The following PTPRN2 variants were observed in gnomAD, a reference collection of about 807,000 sequenced individuals.
The protein encoded by PTPRN2 is receptor-type tyrosine-protein phosphatase N2.
A neutral mutation model predicts 118.8 loss-of-function variants in PTPRN2; 74 were observed. The ratio of observed to expected loss-of-function variants is 0.62; its 90% CI spans 0.52 to 0.76. PTPRN2 has a LOEUF of 0.76. PTPRN2 is among the 30% of genes least tolerant of loss of function. The pLI is 0.00. For missense variants in PTPRN2, 1,481 were observed against 1,394.4 expected (o/e 1.06, Z -0.99); for synonymous variants, 641 against 608.0 (o/e 1.05, Z -0.80).
At chr7:158,154,884 A>G (rs1053481109) in intron 6 of PTPRN2, among the ~76,000 whole-genome samples, 1 of 152,210 alleles carries the variant, frequency 6.6e-6, no homozygotes, top group Non-Finnish European at 1.5e-5. Context: ...GAACATGCTG[A>G]GTTATCTCAG....
intron 3 of PTPRN2, among the ~76,000 whole-genome samples, chr7:158,244,422 CAGTG>C (rs1362643490): frequency 1.3e-5 from 2 of 152,208 alleles, no homozygotes; most frequent in African/African-American, 2.4e-5. Flanking sequence ...TGTCTGTAGA[CAGTG>C]AGCTGTGTGT....
chr7:157,844,514 G>T (rs949134136), intron 12 of PTPRN2, among the ~76,000 whole-genome samples: 3 of 152,196 alleles, frequency 2.0e-5, no homozygotes, highest in Non-Finnish European at 2.9e-5. Flanking sequence ...GCCAGGTGAG[G>T]GCCAGGAGGA....
rs1487924124 is a variant in PTPRN2 at position 157,872,659 on chromosome 7, T to C, written c.1788+26014A>G. Reference sequence around the variant, plus strand: ...GGTATAACTAAGCACTGAGAGGCGCTCTTGCGCCCAGGCCGCCTGTCCAAC... The same window carrying C: ...GGTATAACTAAGCACTGAGAGGCGCCCTTGCGCCCAGGCCGCCTGTCCAAC... On this transcript the variant is annotated intron_variant, in intron 12 of 22. Transcript: ENST00000389418. Among the ~76,000 whole-genome samples the C allele has an allele frequency of 1.3e-5, 2 of 152,268 alleles. 1 individual carries two copies. Among genetic ancestry groups the C allele is most frequent in the Admixed American group, 1.3e-4 (2 of 15,292 alleles).
At chr7:157,724,194 C>T (rs1799402654) in intron 12 of PTPRN2, among the ~76,000 whole-genome samples, 1 of 152,148 alleles carries the variant, frequency 6.6e-6, no homozygotes, top group South Asian at 2.1e-4. Context: ...ATTTAGGCTT[C>T]CCCCGTCTGA....
chr7:158,380,616 C>T (rs1424946930), intron 2 of PTPRN2, among the ~76,000 whole-genome samples: 1 of 152,220 alleles, frequency 6.6e-6, no homozygotes, highest in Non-Finnish European at 1.5e-5. Context: ...TCCAGGCACA[C>T]AGTGCCAGTT....
chr7:157,600,207 A>T (rs1316257240), intron 16 of PTPRN2, among the ~76,000 whole-genome samples: 2 of 75,786 alleles, frequency 2.6e-5, no homozygotes, highest in Non-Finnish European at 5.3e-5. Context: ...CCACCTGCCC[A>T]CCTCTCCACC....
At chr7:158,411,674 C>T (rs1201507036) in intron 2 of PTPRN2, among the ~76,000 whole-genome samples, 1 of 152,242 alleles carries the variant, frequency 6.6e-6, no homozygotes, top group East Asian at 1.9e-4. Flanking sequence ...TACCAAGCAG[C>T]CAACCAACGC....
At chr7:157,826,521 G>A (rs994100891) in intron 12 of PTPRN2, among the ~76,000 whole-genome samples, 17 of 116,432 alleles carry the variant, frequency 1.5e-4, no homozygotes, top group East Asian at 8.3e-4. Context: ...GAACACGATC[G>A]TCACAATCGC....
chr7:158,020,882 G>A (rs1406158317), intron 11 of PTPRN2, among the ~76,000 whole-genome samples: 3 of 152,190 alleles, frequency 2.0e-5, no homozygotes, highest in African/African-American at 7.2e-5. Context: ...TGCCGGAAGT[G>A]TGGATGCCGT....
At chr7:157,919,503 T>C (rs1471063725) in intron 11 of PTPRN2, among the ~76,000 whole-genome samples, 2 of 151,792 alleles carry the variant, frequency 1.3e-5, no homozygotes, top group Non-Finnish European at 2.9e-5. Context: ...GACGTCAAAG[T>C]AAATAGGTAA....
intron 3 of PTPRN2, among the ~76,000 whole-genome samples, chr7:158,267,596 G>T (rs532100000): frequency 1.3e-5 from 2 of 152,190 alleles, no homozygotes; most frequent in Admixed American, 6.5e-5. Flanking sequence ...ATCTGAGCGG[G>T]ATCACCGTGG....
chr7:158,437,352 A>C (rs1816640477), intron 2 of PTPRN2, among the ~76,000 whole-genome samples: 1 of 152,246 alleles, frequency 6.6e-6, no homozygotes, highest in Non-Finnish European at 1.5e-5. Flanking sequence ...TGAACATATC[A>C]ACCACAGTTA....
intron 1 of PTPRN2, among the ~76,000 whole-genome samples, chr7:158,495,479 C>A (rs560471878): frequency 1.3e-4 from 20 of 152,228 alleles, no homozygotes; most frequent in African/African-American, 4.6e-4. Flanking sequence ...ATGCGCCCTG[C>A]CCACTGCAGG....
intron 14 of PTPRN2, among the ~76,000 whole-genome samples, chr7:157,637,529 T>C (rs1034543950): frequency 6.6e-6 from 1 of 152,162 alleles, no homozygotes; most frequent in African/African-American, 2.4e-5. Context: ...TTCTATGCTT[T>C]GTGTGGCAGC....
chr7:158,490,480 C>A (rs1337377547), intron 1 of PTPRN2, among the ~76,000 whole-genome samples: 4 of 152,228 alleles, frequency 2.6e-5, no homozygotes, highest in Non-Finnish European at 4.4e-5. Context: ...AGCCACGCAT[C>A]CCCCGCGGCC....
Position 157,811,758 on chromosome 7 carries a change from C to T in PTPRN2, c.1788+86915G>A, listed in dbSNP as rs111237111. 7.0e-3 allele frequency among the ~76,000 whole-genome samples: 1,062 copies of T among 152,274 alleles called. 7 individuals carry two copies. Among genetic ancestry groups the T allele is most frequent in the Admixed American group, 0.012 (184 of 15,298 alleles). On this transcript the variant is annotated intron_variant, in intron 12 of 22. Transcript: ENST00000389418. ...GGCTTCCTCGCTGTGACAGCCTCCC[C>T]TCATCTGACGAGGTCCAAACAGCGG...
At chr7:158,134,987 C>G (rs1818682969) in intron 8 of PTPRN2, among the ~76,000 whole-genome samples, 1 of 152,190 alleles carries the variant, frequency 6.6e-6, no homozygotes, top group Non-Finnish European at 1.5e-5. Flanking sequence ...CCCTGGGCCG[C>G]ACTGCCCTCC....
At chr7:158,176,702 T>G (rs903329202) in intron 5 of PTPRN2, among the ~76,000 whole-genome samples, 1 of 152,230 alleles carries the variant, frequency 6.6e-6, no homozygotes, top group Non-Finnish European at 1.5e-5. Context: ...CTGCCTCAGA[T>G]GCTACTGTGT....
chr7:157,846,424 C>T lies in PTPRN2; in HGVS notation c.1788+52249G>A, dbSNP rs529068023. The stretch of plus-strand genomic sequence containing the variant: ...TCCAGGAAATGACGCTCTAAAAATG[C>T]AAAGCTCTGAACCAACCACCGAGAA... On this transcript the variant is annotated intron_variant, in intron 12 of 22. Transcript: ENST00000389418. 2.0e-5 allele frequency among the ~76,000 whole-genome samples: 3 copies of T among 146,546 alleles called. No individual in the cohort carries two copies. The South Asian group carries it at 6.7e-4, about 33-fold the overall frequency.
Sources: allele counts gnomAD v4.1 joint callset (sites outside exome capture counted in the v4.1 genomes callset), GRCh38; gene constraint gnomAD v4.1.1; transcripts MANE v1.5; gene names NCBI Gene and HGNC (gene_info 2026-07-23, HGNC 2026-07-21).